Variants in CKAP5 observed in about 807,000 individuals in gnomAD.
CKAP5 encodes cytoskeleton associated protein 5, also known as cytoskeleton-associated protein 5.
Under a neutral mutation model 232.8 loss-of-function variants are expected in CKAP5, and 27 were observed. The observed-to-expected ratio is 0.12, with a 90% confidence interval of 0.09 to 0.16. The LOEUF (loss-of-function observed/expected upper bound fraction) is 0.16. Ranked by LOEUF, CKAP5 falls within the 10% of genes least tolerant of loss-of-function variation. The probability of loss-of-function intolerance (pLI) is 1.00; values close to 1 mark genes in which losing one functional copy is unlikely to be tolerated. For synonymous variants in CKAP5, 785 were observed against 841.1 expected (o/e 0.93, Z 1.16); for missense variants, 1,838 against 2,424.7 (o/e 0.76, Z 5.08).
At chr11:46,832,120 A>G (rs992500004) in intron 1 of CKAP5, among the ~76,000 whole-genome samples, 5 of 152,146 alleles carry the variant, frequency 3.3e-5, no homozygotes, top group Admixed American at 3.3e-4. Context: ...TCAGCCTCCC[A>G]AAGTGCTGGG....
intron 1 of CKAP5, chr11:46,826,870 G>T: frequency 6.4e-6 from 1 of 155,100 alleles, no homozygotes; most frequent in South Asian, 1.8e-4. Flanking sequence ...GCGGTCCGCT[G>T]GGAAACGCCT....
intron 28 of CKAP5, among the ~76,000 whole-genome samples, chr11:46,764,019 G>A (rs377097955): frequency 5.9e-5 from 9 of 152,008 alleles, no homozygotes; most frequent in African/African-American, 1.9e-4. Flanking sequence ...AATTTTTTTC[G>A]TAGAGATGAA....
intron 24 of CKAP5, 53 bp downstream of exon 24, chr11:46,776,202 C>T: frequency 6.5e-7 from 1 of 1,543,760 alleles, no homozygotes. Flanking sequence ...GGCCCAAGCC[C>T]CTATGGAAGT....
At chr11:46,784,787 C>A in intron 16 of CKAP5, 114 bp from the exon 17 acceptor site, 1 of 663,778 alleles carries the variant, frequency 1.5e-6, no homozygotes, top group South Asian at 2.7e-5. Context: ...GGAAACACAA[C>A]TAAAGTAAAA....
chr11:46,770,778 GA>G lies in CKAP5; in HGVS notation c.3186+9del. On this transcript the variant is annotated intron_variant, in intron 25 of 43. Transcript: ENST00000529230. Reference sequence around the variant, plus strand: ...CTTTTAACAGCAGTAGCAGCAACAAGAAGTAGTACCTTTAGTTTCCCAGTAG... The same window carrying G: ...CTTTTAACAGCAGTAGCAGCAACAAGAGTAGTACCTTTAGTTTCCCAGTAG... 1 of 1,611,152 alleles carries G rather than the reference GA, an allele frequency of 6.2e-7. No homozygotes were observed. Among genetic ancestry groups the G allele is most frequent in the Non-Finnish European group, 8.5e-7 (1 of 1,178,350 alleles).
intron 24 of CKAP5, among the ~76,000 whole-genome samples, chr11:46,773,244 A>C (rs2134610290): frequency 6.6e-6 from 1 of 151,648 alleles, no homozygotes; most frequent in Non-Finnish European, 1.5e-5. Context: ...TGGATTTTTG[A>C]ATGTTCTATT....
chr11:46,752,193 T>TATATATATATATATATAC (rs1408030107), intron 38 of CKAP5, among the ~76,000 whole-genome samples: 3 of 66,566 alleles, frequency 4.5e-5, no homozygotes, highest in African/African-American at 1.5e-4. Context: ...TATATATATA[T>TATATATATATATATATAC]ACACACACAC....
At chr11:46,785,486 C>T (rs754582495) in intron 16 of CKAP5, among the ~76,000 whole-genome samples, 3 of 152,128 alleles carry the variant, frequency 2.0e-5, no homozygotes, top group South Asian at 2.1e-4. Flanking sequence ...CCCGCCACCA[C>T]GCTTGGCTCA....
At chr11:46,760,891 C>T (rs1592438862) in intron 32 of CKAP5, 107 bp from the exon 33 acceptor site, 2 of 982,280 alleles carry the variant, frequency 2.0e-6, no homozygotes, top group Admixed American at 2.6e-5. Flanking sequence ...ACTTTCAAAG[C>T]ACCACATTTC....
chr11:46,783,480 G>A, intron 17 of CKAP5, 112 bp from the exon 18 acceptor site: 1 of 628,462 alleles, frequency 1.6e-6, no homozygotes, highest in Non-Finnish European at 2.8e-6. Context: ...TAAAACAACT[G>A]CAAGAATGCC....
rs76481067 is a variant in CKAP5, at chr11:46,832,956, CA to C, written c.-37-11689del. 6.7e-3 allele frequency among the ~76,000 whole-genome samples: 961 copies of C among 142,730 alleles called. 7 individuals carry two copies. Among genetic ancestry groups the C allele is most frequent in the African/African-American group, 0.022 (860 of 39,104 alleles). 93.6% of individuals were successfully genotyped at this position (142,730 alleles called of 152,430 possible). On this transcript the variant is annotated intron_variant, in intron 1 of 43. Transcript: ENST00000529230. ...TGGGTGACACAGCAAGAGTTTATCT[CA>C]AAAAAAAAAAAATTTTTTTTCCCAC...
At chr11:46,817,875 A>G (rs2134686185) in intron 3 of CKAP5, among the ~76,000 whole-genome samples, 1 of 152,338 alleles carries the variant, frequency 6.6e-6, no homozygotes, top group South Asian at 2.1e-4. Context: ...AGGGAGAAAG[A>G]CATGATTCTA....
At chr11:46,758,874 G>C (rs969498512) in intron 35 of CKAP5, 49 bp downstream of exon 35, 1 of 1,603,666 alleles carries the variant, frequency 6.2e-7, no homozygotes, top group African/African-American at 1.3e-5. Context: ...CACATTTATA[G>C]CCTCTATGTC....
chr11:46,780,366 T>C (rs1333513250), intron 19 of CKAP5, 47 bp from the exon 20 acceptor site: 1 of 1,613,604 alleles, frequency 6.2e-7, no homozygotes, highest in Non-Finnish European at 8.5e-7. Flanking sequence ...AAGATGGCAA[T>C]AATAACTTTT....
chr11:46,759,479 G>C (rs1344152400), intron 33 of CKAP5, 37 bp from the exon 34 acceptor site: 1 of 1,587,364 alleles, frequency 6.3e-7, no homozygotes, highest in Non-Finnish European at 8.6e-7. Context: ...AACTAAAAGA[G>C]ACTTCTTAAC....
At position 46,842,923 on chromosome 11, in the gene CKAP5, C is replaced by T. The variant is rs574912933; in HGVS notation, c.-38+3297G>A. ...CGGAGCTTGCAGTGAGCCGAGATCG[C>T]GCCACCGCACTCCAGCCTGGGTGAC... is the stretch of plus-strand genomic sequence containing the variant. On this transcript the variant is annotated intron_variant, in intron 1 of 43. Coordinates refer to ENST00000529230, the MANE Select transcript of CKAP5 (RefSeq NM_001008938.4). Among the ~76,000 whole-genome samples, 31 of 142,874 alleles carry T rather than the reference C, an allele frequency of 2.2e-4. No homozygotes were observed. In the East Asian group the frequency reaches 6.8e-3, roughly 31 times the overall value. 93.7% of individuals were successfully genotyped at this position (142,874 alleles called of 152,430 possible). A position where few individuals can be genotyped will look rare whatever the true frequency, so the allele number is the denominator to read the frequency against.
At chr11:46,769,855 G>T in intron 26 of CKAP5, 108 bp downstream of exon 26, 1 of 1,216,132 alleles carries the variant, frequency 8.2e-7, no homozygotes, top group Non-Finnish European at 1.2e-6. Context: ...AGGAGAGCTT[G>T]GATCTACGCT....
intron 1 of CKAP5, among the ~76,000 whole-genome samples, chr11:46,822,712 C>T (rs1183329229): frequency 3.7e-5 from 5 of 136,948 alleles, no homozygotes; most frequent in African/African-American, 5.6e-5. Flanking sequence ...GATCGCACTG[C>T]ACTCCAGCCT....
chr11:46,805,949 TA>T (rs1223474219), intron 8 of CKAP5, among the ~76,000 whole-genome samples: 3 of 151,632 alleles, frequency 2.0e-5, no homozygotes, highest in South Asian at 2.1e-4. Context: ...AAAAAGAAAA[TA>T]AAAAAAATAA....
Sources: allele counts gnomAD v4.1 joint callset (sites outside exome capture counted in the v4.1 genomes callset), GRCh38; gene constraint gnomAD v4.1.1; transcripts MANE v1.5; gene names NCBI Gene and HGNC (gene_info 2026-07-23, HGNC 2026-07-21).